Variants in MSH4 observed in about 807,000 individuals in gnomAD.
MSH4 encodes mutS protein homolog 4.
A neutral mutation model predicts 113.7 loss-of-function variants in MSH4; 106 were observed. That is an observed-to-expected ratio of 0.93 (90% CI 0.80 to 1.10). The LOEUF (loss-of-function observed/expected upper bound fraction) is 1.10, where lower values mean the gene tolerates loss of function less well. Among genes scored for constraint, MSH4 ranks in the 50% least tolerant of loss-of-function variants. The pLI, the probability that MSH4 is intolerant of heterozygous loss-of-function variation, is 0.00. For synonymous variants in MSH4, 368 were observed against 380.2 expected, an observed-to-expected ratio of 0.97 and a Z score of 0.37; for missense variants, 1,061 against 1,093.7, an observed-to-expected ratio of 0.97 and a Z score of 0.42.
intron 8 of MSH4, among the ~76,000 whole-genome samples, chr1:75,851,176 C>A (rs188880192): frequency 6.6e-6 from 1 of 151,466 alleles, no homozygotes; most frequent in African/African-American, 2.4e-5. Context: ...ATTACATTTA[C>A]ACTTAATAAG....
intron 6 of MSH4, 24 bp downstream of exon 6, chr1:75,816,570 A>G (rs1650298588): frequency 7.3e-7 from 1 of 1,367,360 alleles, no homozygotes; most frequent in Non-Finnish European, 1.0e-6. Flanking sequence ...TTTTATTTGT[A>G]TAAAATATAT....
intron 15 of MSH4, among the ~76,000 whole-genome samples, chr1:75,886,765 T>A (rs1285384316): frequency 2.8e-5 from 4 of 140,544 alleles, no homozygotes; most frequent in Non-Finnish European, 6.1e-5. Context: ...ATATAAAATA[T>A]GTATATAGTT....
chr1:75,815,904 A>C (rs1650282955), intron 5 of MSH4, among the ~76,000 whole-genome samples: 1 of 152,082 alleles, frequency 6.6e-6, no homozygotes, highest in African/African-American at 2.4e-5. Context: ...GCTACTTGGG[A>C]GGCTGAGGCA....
intron 19 of MSH4, among the ~76,000 whole-genome samples, chr1:75,906,000 A>C (rs1283873037): frequency 6.6e-6 from 1 of 150,668 alleles, no homozygotes; most frequent in Non-Finnish European, 1.5e-5. Flanking sequence ...TATTTCTTTT[A>C]TTTTTTTTGA....
chr1:75,855,218 T>G (rs1475744550), intron 8 of MSH4, among the ~76,000 whole-genome samples: 1 of 152,076 alleles, frequency 6.6e-6, no homozygotes, highest in Non-Finnish European at 1.5e-5. Context: ...TTAAGTTTTT[T>G]GTAGAGATGG....
chr1:75,884,150 GT>G (rs1652002729), intron 15 of MSH4, among the ~76,000 whole-genome samples: 2 of 152,124 alleles, frequency 1.3e-5, no homozygotes, highest in South Asian at 4.1e-4. Context: ...AAAGTTTGTT[GT>G]GAGAAAAAGT....
chr1:75,876,648 C>T (rs1030306904), intron 9 of MSH4, among the ~76,000 whole-genome samples: 2 of 151,730 alleles, frequency 1.3e-5, no homozygotes, highest in African/African-American at 2.4e-5. Context: ...TGTTTAAGTA[C>T]CTATATATGT....
chr1:75,829,944 T>G (rs147233006), intron 7 of MSH4, among the ~76,000 whole-genome samples: 292 of 152,014 alleles, frequency 1.9e-3, no homozygotes, highest in African/African-American at 6.7e-3. Flanking sequence ...AGAATGACAT[T>G]GATGAGAGAA....
At chr1:75,837,386 C>CTTTT (rs34812368) in intron 7 of MSH4, among the ~76,000 whole-genome samples, 1 of 106,606 alleles carries the variant, frequency 9.4e-6, no homozygotes, top group Non-Finnish European at 1.9e-5. Context: ...AAATTGTGCC[C>CTTTT]TTTTTTTTTT....
At chr1:75,797,443 G>A (rs1445190419) in intron 1 of MSH4, among the ~76,000 whole-genome samples, 1 of 152,194 alleles carries the variant, frequency 6.6e-6, no homozygotes, top group Non-Finnish European at 1.5e-5. Context: ...GGATGGCTCA[G>A]TTCTGAGAAA....
At chr1:75,814,783 T>G (rs1650262139) in intron 4 of MSH4, among the ~76,000 whole-genome samples, 1 of 152,158 alleles carries the variant, frequency 6.6e-6, no homozygotes, top group African/African-American at 2.4e-5. Context: ...TATTATTGTA[T>G]CTAACATATT....
chr1:75,872,853 A>G (rs898627713), intron 9 of MSH4, among the ~76,000 whole-genome samples: 1 of 152,228 alleles, frequency 6.6e-6, no homozygotes, highest in African/African-American at 2.4e-5. Flanking sequence ...GAGTTTGCCA[A>G]GGTCATTGCT....
Position 75,806,522 on chromosome 1 carries a change from C to T in MSH4, c.428-459C>T, listed in dbSNP as rs578194282. ...TCGGCCTCCCAAAGTGCTGGGATTA[C>T]AGGCATGAGCCACCGCGCCCGGCCT... On this transcript the variant is annotated intron_variant, in intron 2 of 19. Coordinates refer to ENST00000263187, the MANE Select transcript of MSH4 (RefSeq NM_002440.4). Among the ~76,000 whole-genome samples the T allele has an allele frequency of 2.0e-5, 3 of 152,248 alleles. No homozygotes were observed. The East Asian group carries it at 5.8e-4, about 29-fold the overall frequency.
intron 7 of MSH4, among the ~76,000 whole-genome samples, chr1:75,842,280 A>C (rs1176517839): frequency 6.6e-6 from 1 of 152,184 alleles, no homozygotes; most frequent in East Asian, 1.9e-4. Flanking sequence ...CTCAGATAGC[A>C]GACTTCAGAG....
intron 15 of MSH4, among the ~76,000 whole-genome samples, chr1:75,884,097 A>G (rs1651994592): frequency 6.6e-6 from 1 of 152,202 alleles, no homozygotes; most frequent in East Asian, 1.9e-4. Context: ...GTTGCATCAA[A>G]TATTACTAAA....
chr1:75,797,282 A>G lies in MSH4; in HGVS notation c.244+53A>G. The G allele has an allele frequency of 8.4e-6, 13 of 1,556,814 alleles. No homozygotes were observed. In the South Asian group the frequency reaches 1.5e-4, roughly 18 times the overall value. On this transcript the variant is annotated intron_variant, in intron 1 of 19. Transcript: ENST00000263187. ...CCTTGAGGCTAGAGGCCGGCAGTTC[A>G]TGGAGGCTCGGGGGCACGTGGGTGG...
intron 14 of MSH4, 60 bp downstream of exon 14, chr1:75,881,430 A>G: frequency 1.3e-6 from 2 of 1,528,902 alleles, no homozygotes; most frequent in Non-Finnish European, 1.8e-6. Flanking sequence ...CGATTCAAAC[A>G]ATTTGATATA....
At chr1:75,901,459 A>T (rs895854287) in intron 19 of MSH4, among the ~76,000 whole-genome samples, 1 of 152,024 alleles carries the variant, frequency 6.6e-6, no homozygotes, top group Admixed American at 6.5e-5. Context: ...GTGATTCTTT[A>T]TCCATGTTGC....
chr1:75,865,138 A>G (rs1341575137), intron 8 of MSH4, among the ~76,000 whole-genome samples: 4 of 151,986 alleles, frequency 2.6e-5, no homozygotes, highest in African/African-American at 4.8e-5. Flanking sequence ...TCTCTGTCTT[A>G]CTTCCCCACT....
Sources: gnomAD v4.1 joint callset for allele counts (sites outside exome capture counted in the v4.1 genomes callset) on GRCh38, gnomAD v4.1.1 for gene constraint, MANE v1.5 for transcripts, NCBI Gene and HGNC (gene_info 2026-07-23, HGNC 2026-07-21) for gene names.